Variants in ALDH1A1 observed in about 807,000 individuals in gnomAD.
ALDH1A1 encodes the protein aldehyde dehydrogenase 1 family member A1.
A neutral mutation model predicts 62.1 loss-of-function variants in ALDH1A1; 19 were observed. The observed-to-expected ratio is 0.31, with a 90% CI of 0.21 to 0.45. The LOEUF (loss-of-function observed/expected upper bound fraction) is 0.45. Among genes scored for constraint, ALDH1A1 ranks in the 20% least tolerant of loss-of-function variants. The probability of loss-of-function intolerance (pLI) is 1.00; values close to 1 mark genes in which losing one functional copy is unlikely to be tolerated. For missense variants in ALDH1A1, 521 were observed against 607.1 expected (o/e 0.86, Z 1.49); for synonymous variants, 231 against 215.9 (o/e 1.07, Z -0.61).
chr9:72,922,793 A>C (rs1219856732), intron 7 of ALDH1A1, among the ~76,000 whole-genome samples: 1 of 152,184 alleles, frequency 6.6e-6, no homozygotes, highest in Admixed American at 6.5e-5. Context: ...CCATATCTTG[A>C]ACATTCCCAC....
intron 4 of ALDH1A1, 61 bp downstream of exon 4, chr9:72,928,831 A>G: frequency 1.4e-6 from 2 of 1,437,450 alleles, no homozygotes; most frequent in Non-Finnish European, 1.8e-6. Context: ...GAAATTATTC[A>G]GCTCTATAGT....
chr9:72,916,696 C>A (rs529547953), intron 9 of ALDH1A1, among the ~76,000 whole-genome samples: 7 of 152,298 alleles, frequency 4.6e-5, no homozygotes, highest in Non-Finnish European at 1.0e-4. Flanking sequence ...TAATTCTCAG[C>A]ATGGCCGGTA....
intron 7 of ALDH1A1, among the ~76,000 whole-genome samples, chr9:72,921,403 A>AAATCC (rs2118523227): frequency 6.6e-6 from 1 of 152,254 alleles, no homozygotes; most frequent in African/African-American, 2.4e-5. Flanking sequence ...AGCTAAAAGA[A>AAATCC]AATCCAGAAA....
intron 1 of ALDH1A1, among the ~76,000 whole-genome samples, chr9:72,949,300 A>G (rs1830509614): frequency 1.3e-5 from 2 of 151,930 alleles, no homozygotes; most frequent in African/African-American, 4.8e-5. Flanking sequence ...GCTGAGCAGC[A>G]GCTGGAAAGA....
At position 72,911,973 on chromosome 9, in the gene ALDH1A1, G is replaced by T. The variant is rs1829996351; in HGVS notation, c.1185C>A (p.Arg395=). The part of the protein sequence containing the change: ...TVFSNVTDEM[R]IAKEEIFGPV... The stretch of plus-strand genomic sequence containing the variant: ...AGCCATTTACCTCCTCTTTGGCAAT[G>T]CGCATCTCATCTGTAACATTAGAGA... Residue 395 remains arginine, a synonymous_variant, in exon 10 of 13, where the codon CGC becomes CGA. Transcript: ENST00000297785. The T allele has an allele frequency of 6.2e-7, 1 of 1,613,840 alleles. No homozygotes were observed. Among genetic ancestry groups the T allele is most frequent in the African/African-American group, 1.3e-5 (1 of 74,896 alleles).
At chr9:72,943,869 G>A (rs1830444362) in intron 1 of ALDH1A1, among the ~76,000 whole-genome samples, 2 of 151,992 alleles carry the variant, frequency 1.3e-5, no homozygotes, top group Admixed American at 1.3e-4. Context: ...CAAAGCAGCG[G>A]TGTTGTCAAT....
intron 11 of ALDH1A1, 94 bp from the exon 12 acceptor site, chr9:72,906,126 A>G (rs1829875749): frequency 3.6e-6 from 3 of 842,586 alleles, no homozygotes; most frequent in Non-Finnish European, 5.6e-6. Flanking sequence ...GCTCCTTACA[A>G]ACTCCATTAA....
intron 2 of ALDH1A1, among the ~76,000 whole-genome samples, chr9:72,935,902 G>A (rs547501665): frequency 6.6e-6 from 1 of 152,090 alleles, no homozygotes; most frequent in Non-Finnish European, 1.5e-5. Flanking sequence ...AGCAATGTCG[G>A]AGTTTACTAT....
At chr9:72,911,571 T>C (rs1431105938) in intron 10 of ALDH1A1, among the ~76,000 whole-genome samples, 1 of 152,202 alleles carries the variant, frequency 6.6e-6, no homozygotes, top group East Asian at 1.9e-4. Flanking sequence ...CTATGAGTTC[T>C]ACTCTTTGAG....
At chr9:72,949,990 A>C (rs1173275682) in intron 1 of ALDH1A1, among the ~76,000 whole-genome samples, 2 of 151,816 alleles carry the variant, frequency 1.3e-5, no homozygotes. Flanking sequence ...TCTTTGTCAG[A>C]TGGGACATGA....
Position 72,940,177 on chromosome 9 carries a change from C to T in ALDH1A1, c.142G>A (p.Glu48Lys). The change falls in exon 2 of 13, where the codon GAG becomes AAG. Residue 48 changes from glutamate to lysine, a missense_variant. Coordinates refer to ENST00000297785, the MANE Select transcript of ALDH1A1 (RefSeq NM_000689.5). Reference sequence around the variant, plus strand: ...TCTCCTTCTTCTACCTGGCAGAGCTCCTCCTCAGTTGCAGGATTAAAGACA... The same window carrying T: ...TCTCCTTCTTCTACCTGGCAGAGCTTCTCCTCAGTTGCAGGATTAAAGACA... ...FPVFNPATEE[E>K]LCQVEEGDKE... 1 of 1,613,394 alleles carries T rather than the reference C, an allele frequency of 6.2e-7. No homozygotes were observed. The highest frequency in any genetic ancestry group is 1.3e-5 in the African/African-American group (1 of 75,008).
At chr9:72,925,725 G>T (rs1206648190) in intron 5 of ALDH1A1, 113 bp from the exon 6 acceptor site, 22 of 1,242,996 alleles carry the variant, frequency 1.8e-5, no homozygotes. Flanking sequence ...GCGTAGTTTT[G>T]TGAAATCATC....
intron 11 of ALDH1A1, among the ~76,000 whole-genome samples, chr9:72,909,140 G>A (rs1243924860): frequency 4.4e-5 from 6 of 135,650 alleles, no homozygotes; most frequent in Admixed American, 3.0e-4. Flanking sequence ...CCTCCCTAAA[G>A]TTCTTCCAAT....
intron 7 of ALDH1A1, among the ~76,000 whole-genome samples, chr9:72,921,503 C>CTTTTTTTTTTTTTTTTTTTTTTTTT (rs11327072): frequency 1.8e-5 from 2 of 109,504 alleles, no homozygotes; most frequent in Non-Finnish European, 3.6e-5. Flanking sequence ...ACATTTAATT[C>CTTTTTTTTTTTTTTTTTTTTTTTTT]TTTTTTTTTT....
chr9:72,908,571 GAAAGAAAGAAAGAAAGA>G (rs764863910), intron 11 of ALDH1A1, among the ~76,000 whole-genome samples: 2,159 of 91,436 alleles, frequency 0.024, 53 homozygotes, highest in Middle Eastern at 0.067. Context: ...AAGAAAGAAA[GAAAGAAAGAAAGAAAGA>G]AAGAAAGAAA....
chr9:72,906,088 C>G lies in ALDH1A1; in HGVS notation c.1359-56G>C, dbSNP rs1588129219. 1.3e-5 allele frequency: 18 copies of G among 1,405,346 alleles called. No homozygotes were observed. In the East Asian group the frequency reaches 4.1e-4, roughly 32 times the overall value. The allele number at this position is 1,405,346 out of a possible 1,614,324, so 87.1% of individuals were successfully genotyped here. On this transcript the variant is annotated intron_variant, in intron 11 of 12. Transcript: ENST00000297785. ...ATACTTAAGGTGTGAAAAAAAAATC[C>G]TTTTTGGCAGTTTTAGAAATTTGGA...
At chr9:72,942,303 A>G in intron 1 of ALDH1A1, 3 of 985,246 alleles carry the variant, frequency 3.0e-6, no homozygotes, top group Non-Finnish European at 3.6e-6. Flanking sequence ...CTTGTCCCGA[A>G]CTCAGCTCAC....
intron 2 of ALDH1A1, among the ~76,000 whole-genome samples, chr9:72,932,981 A>T (rs1830302806): frequency 6.6e-6 from 1 of 152,200 alleles, no homozygotes; most frequent in Admixed American, 6.5e-5. Context: ...CAAGATAAGT[A>T]ACTCTCCCAT....
chr9:72,906,063 A>G, intron 11 of ALDH1A1, 31 bp from the exon 12 acceptor site: 1 of 1,544,676 alleles, frequency 6.5e-7, no homozygotes, highest in Admixed American at 1.9e-5. Flanking sequence ...ATTATAGACA[A>G]TACTTAAGGT....
Sources: allele counts gnomAD v4.1 joint callset (sites outside exome capture counted in the v4.1 genomes callset), GRCh38; gene constraint gnomAD v4.1.1; transcripts MANE v1.5; gene names NCBI Gene and HGNC (gene_info 2026-07-23, HGNC 2026-07-21).